GLYCTK: variants seen among roughly 807,000 people sequenced by gnomAD.
GLYCTK encodes the protein glycerate kinase.
Under a neutral mutation model 24.8 loss-of-function variants are expected in GLYCTK, and 22 were observed. That is an observed-to-expected ratio of 0.89 (90% confidence interval 0.63 to 1.27). GLYCTK has a LOEUF of 1.27. Among genes scored for constraint, GLYCTK ranks in the 50% most tolerant of loss-of-function variants. The pLI is 0.00. For missense variants in GLYCTK, 684 were observed against 686.7 expected, an observed-to-expected ratio of 1.00 and a Z score of 0.04; for synonymous variants, 320 against 297.2, an observed-to-expected ratio of 1.08 and a Z score of -0.79.
chr3:52,292,506 G>A lies in GLYCTK; in HGVS notation c.952G>A (p.Glu318Lys), dbSNP rs774041957. The change falls in exon 5 of 5, where the codon GAG becomes AAG. Residue 318 changes from glutamate to lysine, a missense_variant. Coordinates refer to ENST00000436784, the MANE Select transcript of GLYCTK (RefSeq NM_145262.4). ...IIGSNVLALA[E>K]AQRQAEALGY... ...TGGCTCTAATGTGCTGGCGCTAGCT[G>A]AGGCCCAGCGGCAGGCCGAGGCACT... The A allele has an allele frequency of 1.9e-6, 3 of 1,613,754 alleles. No individual in the cohort carries two copies. Among genetic ancestry groups the A allele is most frequent in the African/African-American group, 1.3e-5 (1 of 75,070 alleles).
At position 52,293,188 on chromosome 3, in the gene GLYCTK, G is replaced by T; in HGVS notation, c.*62G>T. Reference sequence around the variant, plus strand: ...TACAAGGGCAAGGTCAGATGGCAGAGCAAGGTTGGTCCTCAGGGCCTCTCT... The same window carrying T: ...TACAAGGGCAAGGTCAGATGGCAGATCAAGGTTGGTCCTCAGGGCCTCTCT... On this transcript the variant is annotated 3_prime_UTR_variant, in exon 5 of 5. Transcript: ENST00000436784. 1 of 1,587,544 alleles carries T rather than the reference G, an allele frequency of 6.3e-7. No homozygotes were observed. Among genetic ancestry groups the T allele is most frequent in the Non-Finnish European group, 8.6e-7 (1 of 1,163,278 alleles).
intron 4 of GLYCTK, 57 bp downstream of exon 4, chr3:52,291,979 G>T: frequency 1.3e-6 from 2 of 1,530,166 alleles, no homozygotes; most frequent in Non-Finnish European, 9.0e-7. Flanking sequence ...GCCCACATGT[G>T]CCAGGGATGT....
In GLYCTK at chr3:52,293,214, A is replaced by G. The variant is rs770091220; in HGVS notation, c.*88A>G. 2.6e-5 allele frequency: 35 copies of G among 1,359,042 alleles called. No individual in the cohort carries two copies. The highest frequency in any genetic ancestry group is 3.6e-4 in the Middle Eastern group (2 of 5,630). The allele number at this position is 1,359,042 out of a possible 1,614,324, so 84.2% of individuals were successfully genotyped here. Reference sequence around the variant, plus strand: ...CAAGGTTGGTCCTCAGGGCCTCTCTAAGCCTTAGGGCCCCTCCTCTCCTTG... The same window carrying G: ...CAAGGTTGGTCCTCAGGGCCTCTCTGAGCCTTAGGGCCCCTCCTCTCCTTG... On this transcript the variant is annotated 3_prime_UTR_variant, in exon 5 of 5. Coordinates refer to ENST00000436784, the MANE Select transcript of GLYCTK (RefSeq NM_145262.4).
Position 52,293,353 on chromosome 3 carries a change from A to T in GLYCTK, c.*227A>T, listed in dbSNP as rs942428095. On this transcript the variant is annotated 3_prime_UTR_variant, in exon 5 of 5. Transcript: ENST00000436784. ...TCCCCCTACCCCTGAGGATGAGGAC[A>T]AGCCCCTCGGCCAGTTCAGCGTTCC... 104 of 697,528 alleles carry T rather than the reference A, an allele frequency of 1.5e-4. No homozygotes were observed. Among genetic ancestry groups the T allele is most frequent in the Non-Finnish European group, 2.4e-4 (91 of 383,052 alleles). The allele number at this position is 697,528 out of a possible 1,614,324, so 43.2% of individuals were successfully genotyped here. A position where few individuals can be genotyped will look rare whatever the true frequency, so the allele number is the denominator to read the frequency against.
chr3:52,291,083 T>A lies in GLYCTK; in HGVS notation c.501T>A (p.Ala167=), dbSNP rs774400881. ...AGCAACTGGCTGAGGGACTCACAGC[T>A]GATGACCTGCTGCTCGTGCTGATCT... ...AIQQLAEGLT[A]DDLLLVLISG... The change falls in exon 3 of 5, where the codon GCT becomes GCA. Residue 167 remains alanine (A), a synonymous_variant. Coordinates refer to ENST00000436784, the MANE Select transcript of GLYCTK (RefSeq NM_145262.4). 4 of 1,612,524 alleles carry A rather than the reference T, an allele frequency of 2.5e-6. No individual in the cohort carries two copies. In the Admixed American group the frequency reaches 5.0e-5, roughly 20 times the overall value.
chr3:52,289,948 G>A, intron 1 of GLYCTK: 1 of 252,252 alleles, frequency 4.0e-6, no homozygotes, highest in Non-Finnish European at 7.8e-6. Context: ...GAAAAGGGGT[G>A]GGATGGGAGC....
intron 1 of GLYCTK, chr3:52,289,291 T>A (rs949872813): frequency 1.3e-5 from 2 of 152,254 alleles, no homozygotes; most frequent in African/African-American, 4.8e-5. Context: ...TTTGGGTCTT[T>A]GTTGTTCCTA....
intron 1 of GLYCTK, 91 bp downstream of exon 1, chr3:52,287,967 C>G (rs531261978): frequency 2.7e-6 from 1 of 368,798 alleles, no homozygotes; most frequent in South Asian, 1.8e-5. Flanking sequence ...GCCCTTCTTT[C>G]TCGCATCACC....
intron 1 of GLYCTK, 50 bp downstream of exon 1, chr3:52,287,926 G>A (rs1700335145): frequency 4.7e-6 from 2 of 422,594 alleles, no homozygotes; most frequent in Non-Finnish European, 9.6e-6. Context: ...CGGTCCCTGG[G>A]CTGGGCGATG....
chr3:52,290,789 A>G, intron 2 of GLYCTK, 70 bp downstream of exon 2: 5 of 1,591,634 alleles, frequency 3.1e-6, no homozygotes, highest in Middle Eastern at 1.7e-4. Flanking sequence ...CACAGGCTGA[A>G]TCGGGCCTCC....
In GLYCTK at chr3:52,292,275, C is replaced by A; in HGVS notation, c.721C>A (p.Leu241Met). 1 of 1,613,934 alleles carries A rather than the reference C, an allele frequency of 6.2e-7. No individual in the cohort carries two copies. Residue 241 changes from leucine to methionine, a missense_variant, in exon 5 of 5, where the codon CTG becomes ATG. Physicochemically the swap from Leu to Met is conservative, Grantham distance 15. Transcript: ENST00000436784. The stretch of plus-strand genomic sequence containing the variant: ...CCTTCCCCAGGTGGTGAGCCTCATC[C>A]TGTCAGATGTGGTGGGGGACCCTGT... Reference protein sequence around the residue: ...AYPAQVVSLILSDVVGDPVEV... With the variant: ...AYPAQVVSLIMSDVVGDPVEV...
At position 52,294,455 on chromosome 3, in the gene GLYCTK, C is replaced by T. The variant is rs773580766; in HGVS notation, c.*1329C>T. ...GGCTCTGGGCAGCCTAGCTTGCAGA[C>T]AGTTCATGACCTGGGGGCCTGGCTC... On this transcript the variant is annotated 3_prime_UTR_variant, in exon 5 of 5. Coordinates refer to ENST00000436784, the MANE Select transcript of GLYCTK (RefSeq NM_145262.4). 7.0e-6 allele frequency: 3 copies of T among 427,556 alleles called. No individual in the cohort carries two copies. The allele number at this position is 427,556 out of a possible 1,614,324, so 26.5% of individuals were successfully genotyped here. A position where few individuals can be genotyped will look rare whatever the true frequency, so the allele number is the denominator to read the frequency against.
At position 52,291,826 on chromosome 3, in the gene GLYCTK, A is replaced by G. The variant is rs1700478778; in HGVS notation, c.609A>G (p.Ala203=). 24 of 1,613,902 alleles carry G rather than the reference A, an allele frequency of 1.5e-5. No homozygotes were observed. Among genetic ancestry groups the G allele is most frequent in the Non-Finnish European group, 2.0e-5 (24 of 1,179,994 alleles). The change falls in exon 4 of 5, where the codon GCA becomes GCG. Residue 203 remains alanine (A), a synonymous_variant. Transcript: ENST00000436784. ...AGCAGACACTCACTAGACTGCTGGC[A>G]GCCCGTGGAGCCACCATCCAGGAGT... ...EEKQTLTRLL[A]ARGATIQELN...
In GLYCTK at chr3:52,292,550, G is replaced by C; in HGVS notation, c.996G>C (p.Val332=). ...QAEALGYQAV[V]LSAAMQGDVK... ...AGGCACTGGGCTACCAGGCTGTGGTGCTGAGTGCAGCCATGCAAGGTGATG... is the reference window on the plus strand; with the variant it reads ...AGGCACTGGGCTACCAGGCTGTGGTCCTGAGTGCAGCCATGCAAGGTGATG... The change falls in exon 5 of 5, where the codon GTG becomes GTC. Residue 332 remains valine, a synonymous_variant. Coordinates refer to ENST00000436784, the MANE Select transcript of GLYCTK (RefSeq NM_145262.4). 1 of 1,614,018 alleles carries C rather than the reference G, an allele frequency of 6.2e-7. No homozygotes were observed. Among genetic ancestry groups the C allele is most frequent in the East Asian group, 2.2e-5 (1 of 44,886 alleles).
Position 52,294,018 on chromosome 3 carries a change from C to T in GLYCTK, c.*892C>T. The T allele has an allele frequency of 4.7e-6, 2 of 425,102 alleles. No homozygotes were observed. The highest frequency in any genetic ancestry group is 7.7e-4 in the Middle Eastern group (1 of 1,296). The allele number at this position is 425,102 out of a possible 1,614,324, so 26.3% of individuals were successfully genotyped here. A position where few individuals can be genotyped will look rare whatever the true frequency, so the allele number is the denominator to read the frequency against. On this transcript the variant is annotated 3_prime_UTR_variant, in exon 5 of 5. Transcript: ENST00000436784. ...GAAGTCAGCCCTTCAGTGGGGGTCC[C>T]AGCACTGGGATGGTGGGTCCAGCCA...
rs1433397796 is a variant in GLYCTK, at chr3:52,294,828, G to T, written c.*1702G>T. ...AGGGGCTGCAGGAGCTGAGGGCCTG[G>T]CAGCCATGTCCCCAGTGTGTGTGTG... On this transcript the variant is annotated 3_prime_UTR_variant, in exon 5 of 5. Transcript: ENST00000436784. 5 of 454,096 alleles carry T rather than the reference G, an allele frequency of 1.1e-5. No homozygotes were observed. The highest frequency in any genetic ancestry group is 7.8e-5 in the South Asian group (5 of 64,480). 28.1% of individuals were successfully genotyped at this position (454,096 alleles called of 1,614,324 possible).
In GLYCTK at chr3:52,292,937, T is replaced by C; in HGVS notation, c.1383T>C (p.Ala461=). Residue 461 remains alanine (A), a synonymous_variant, in exon 5 of 5, where the codon GCT becomes GCC. Coordinates refer to ENST00000436784, the MANE Select transcript of GLYCTK (RefSeq NM_145262.4). ...GGCAGGATGGGCCCACAGAGGCTGC[T>C]GGGGCCTGGGTCACACCTGAGCTTG... The part of the protein sequence containing the change: ...TDGQDGPTEA[A]GAWVTPELAS... 3.1e-6 allele frequency: 5 copies of C among 1,614,056 alleles called. No individual in the cohort carries two copies. The highest frequency in any genetic ancestry group is 4.2e-6 in the Non-Finnish European group (5 of 1,180,002).
At position 52,290,968 on chromosome 3, in the gene GLYCTK, T is replaced by G. The variant is rs780511431; in HGVS notation, c.386T>G (p.Leu129Arg). Residue 129 changes from leucine (L) to arginine (R), a missense_variant, in exon 3 of 5, where the codon CTG becomes CGG. Transcript: ENST00000436784. ...AMERAGKQEMLLKPHSRVQVF... is the reference protein window; with the variant it reads ...AMERAGKQEMRLKPHSRVQVF... ...GACCTTTCCCTCCCCAGGGAGATGC[T>G]GCTGAAGCCACATAGCCGTGTCCAG... is the stretch of plus-strand genomic sequence containing the variant. 6.2e-7 allele frequency: 1 copy of G among 1,614,060 alleles called. No individual in the cohort carries two copies. Among genetic ancestry groups the G allele is most frequent in the Admixed American group, 1.7e-5 (1 of 60,022 alleles).
rs766827317 is a variant in GLYCTK, at chr3:52,292,866, C to T, written c.1312C>T (p.Pro438Ser). 2.5e-6 allele frequency: 4 copies of T among 1,613,986 alleles called. No individual in the cohort carries two copies. The South Asian group carries it at 3.3e-5, about 13-fold the overall frequency. ...LRVGAELRRW[P>S]LGPIDVLFLS... ...TGTTGGAGCAGAGTTGAGAAGGTGG[C>T]CGCTGGGGCCGATAGATGTGCTGTT... The change falls in exon 5 of 5, where the codon CCG becomes TCG. Residue 438 changes from proline to serine, a missense_variant. Pro to Ser is a moderately conservative substitution (Grantham distance 74, BLOSUM62 -1). Transcript: ENST00000436784.
Sources: allele counts gnomAD v4.1 joint callset, GRCh38; gene constraint gnomAD v4.1.1; transcripts MANE v1.5; gene names NCBI Gene and HGNC (gene_info 2026-07-23, HGNC 2026-07-21).